BABAM2: variants seen among roughly 807,000 people sequenced by gnomAD.
The protein encoded by BABAM2 is BRISC and BRCA1-A complex member 2.
Under a neutral mutation model 54.7 loss-of-function variants are expected in BABAM2, and 31 were observed. The ratio of observed to expected loss-of-function variants is 0.57; its 90% CI spans 0.43 to 0.77. The LOEUF is 0.77. BABAM2 is among the 30% of genes least tolerant of loss of function. The probability of loss-of-function intolerance (pLI) is 0.00; values close to 1 mark genes in which losing one functional copy is unlikely to be tolerated. For synonymous variants in BABAM2, 167 were observed against 162.9 expected (o/e 1.03, Z -0.19); for missense variants, 364 against 455.8 (o/e 0.80, Z 1.83).
At position 28,251,315 on chromosome 2, in the gene BABAM2, C is replaced by T. The variant is rs776900270; in HGVS notation, c.934+6453C>T. Among the ~76,000 whole-genome samples the T allele has an allele frequency of 2.6e-5, 4 of 151,902 alleles. No individual in the cohort carries two copies. In the South Asian group the frequency reaches 6.2e-4, roughly 24 times the overall value. On this transcript the variant is annotated intron_variant, in intron 10 of 11. Transcript: ENST00000379624. ...AATTCTGGTAGTCATTTAAATAATTCTTTCCTTATAGGCCTGTAATCAAGG... is the reference window on the plus strand; with the variant it reads ...AATTCTGGTAGTCATTTAAATAATTTTTTCCTTATAGGCCTGTAATCAAGG...
At chr2:27,954,040 T>C (rs571118037) in intron 3 of BABAM2, among the ~76,000 whole-genome samples, 6 of 152,344 alleles carry the variant, frequency 3.9e-5, no homozygotes, top group African/African-American at 1.4e-4. Flanking sequence ...TATTATTGTC[T>C]TTCTATTTGG....
chr2:28,241,924 A>G (rs1682482065), intron 9 of BABAM2, among the ~76,000 whole-genome samples: 1 of 142,270 alleles, frequency 7.0e-6, no homozygotes, highest in Non-Finnish European at 1.5e-5. Flanking sequence ...TATCTTCCCT[A>G]GAGCAGCAGC....
intron 7 of BABAM2, among the ~76,000 whole-genome samples, chr2:28,179,182 C>CA (rs1675348463): frequency 6.6e-6 from 1 of 151,764 alleles, no homozygotes; most frequent in Non-Finnish European, 1.5e-5. Flanking sequence ...AAGAATGTAA[C>CA]AAAAAAAGGA....
chr2:28,300,741 C>T (rs1217643024), intron 11 of BABAM2, among the ~76,000 whole-genome samples: 1 of 152,086 alleles, frequency 6.6e-6, no homozygotes, highest in Non-Finnish European at 1.5e-5. Context: ...ATAGGAATAT[C>T]GTAAGTGAAG....
intron 7 of BABAM2, among the ~76,000 whole-genome samples, chr2:28,219,561 G>A (rs1000169702): frequency 4.6e-5 from 7 of 152,098 alleles, no homozygotes; most frequent in African/African-American, 1.7e-4. Context: ...CCAGAAATGA[G>A]GGTTTGGCAG....
At chr2:27,964,545 G>A (rs759873100) in intron 3 of BABAM2, among the ~76,000 whole-genome samples, 15 of 152,130 alleles carry the variant, frequency 9.9e-5, no homozygotes, top group Admixed American at 3.3e-4. Context: ...TCTACAGTGT[G>A]GAATGAGGTT....
At chr2:28,104,055 A>C (rs924599056) in intron 6 of BABAM2, among the ~76,000 whole-genome samples, 1 of 152,240 alleles carries the variant, frequency 6.6e-6, no homozygotes, top group Non-Finnish European at 1.5e-5. Context: ...GATGGATTAA[A>C]GACTTAAATG....
intron 10 of BABAM2, among the ~76,000 whole-genome samples, chr2:28,248,975 C>G (rs968006621): frequency 6.6e-6 from 1 of 151,996 alleles, no homozygotes; most frequent in Non-Finnish European, 1.5e-5. Flanking sequence ...AAGATACTTA[C>G]AGTAACATAG....
At position 28,279,618 on chromosome 2, in the gene BABAM2, C is replaced by T. The variant is rs116208079; in HGVS notation, c.935-18720C>T. Among the ~76,000 whole-genome samples the T allele has an allele frequency of 7.1e-3, 1,084 of 151,800 alleles. 10 individuals carry two copies. Among genetic ancestry groups the T allele is most frequent in the African/African-American group, 0.025 (1,027 of 41,334 alleles). On this transcript the variant is annotated intron_variant, in intron 10 of 11. Coordinates refer to ENST00000379624, the MANE Select transcript of BABAM2 (RefSeq NM_199191.3). ...CCAACTTCTGTATTCAAACTCCTTACCCCTTACCATAAGGGTTAGTGCAGA... is the reference window on the plus strand; with the variant it reads ...CCAACTTCTGTATTCAAACTCCTTATCCCTTACCATAAGGGTTAGTGCAGA...
Position 28,298,321 on chromosome 2 carries a change from T to C in BABAM2, c.935-17T>C. On this transcript the variant is annotated splice_polypyrimidine_tract_variant and intron_variant, in intron 10 of 11. Coordinates refer to ENST00000379624, the MANE Select transcript of BABAM2 (RefSeq NM_199191.3). Reference sequence around the variant, plus strand: ...GTTTATGCTCTAACTTTCTTTTTCTTTCTTCTGTCTTTGCAGTTGACCTGC... The same window carrying C: ...GTTTATGCTCTAACTTTCTTTTTCTCTCTTCTGTCTTTGCAGTTGACCTGC... The C allele has an allele frequency of 6.2e-7, 1 of 1,608,704 alleles. No individual in the cohort carries two copies. Among genetic ancestry groups the C allele is most frequent in the Non-Finnish European group, 8.5e-7 (1 of 1,178,226 alleles).
intron 11 of BABAM2, among the ~76,000 whole-genome samples, chr2:28,330,154 A>C (rs2148331195): frequency 6.6e-6 from 1 of 152,334 alleles, no homozygotes; most frequent in East Asian, 1.9e-4. Context: ...AAAAACTCTC[A>C]ATAAACTAGG....
At chr2:28,105,878 T>C (rs995612151) in intron 6 of BABAM2, among the ~76,000 whole-genome samples, 1 of 151,986 alleles carries the variant, frequency 6.6e-6, no homozygotes, top group African/African-American at 2.4e-5. Flanking sequence ...TTAGTATAAA[T>C]ATGTACCATA....
chr2:27,990,136 G>A (rs983984933), intron 4 of BABAM2, among the ~76,000 whole-genome samples: 1 of 152,076 alleles, frequency 6.6e-6, no homozygotes, highest in South Asian at 2.1e-4. Context: ...GTTCATCTAC[G>A]GCCTTGGGTA....
chr2:28,112,146 T>TTTCC (rs1344247281), intron 6 of BABAM2, among the ~76,000 whole-genome samples: 7 of 10,560 alleles, frequency 6.6e-4, no homozygotes, highest in African/African-American at 1.2e-3. Flanking sequence ...TCTTTCTTTC[T>TTTCC]TTACCTCCCT....
At chr2:27,981,317 A>AT (rs1448386566) in intron 3 of BABAM2, among the ~76,000 whole-genome samples, 2 of 152,086 alleles carry the variant, frequency 1.3e-5, no homozygotes, top group African/African-American at 4.8e-5. Context: ...AAGTGGGACA[A>AT]TTTTTTGCAT....
intron 11 of BABAM2, among the ~76,000 whole-genome samples, chr2:28,311,573 C>G (rs1240989264): frequency 6.6e-6 from 1 of 152,092 alleles, no homozygotes; most frequent in Non-Finnish European, 1.5e-5. Flanking sequence ...GGATAGTGGC[C>G]TGGGAGTCAA....
chr2:28,315,943 T>C (rs929790765), intron 11 of BABAM2, among the ~76,000 whole-genome samples: 1 of 152,120 alleles, frequency 6.6e-6, no homozygotes, highest in Non-Finnish European at 1.5e-5. Context: ...TATAAAGGAA[T>C]GTTTGGCTTG....
chr2:28,215,374 T>G (rs1679835838), intron 7 of BABAM2, among the ~76,000 whole-genome samples: 1 of 152,198 alleles, frequency 6.6e-6, no homozygotes, highest in Non-Finnish European at 1.5e-5. Context: ...AATGAGATAA[T>G]GTATGTAAGA....
Position 28,067,941 on chromosome 2 carries a change from A to C in BABAM2, c.570+22142A>C, listed in dbSNP as rs1309869031. Among the ~76,000 whole-genome samples the C allele has an allele frequency of 2.0e-5, 3 of 152,304 alleles. No individual in the cohort carries two copies. In the South Asian group the frequency reaches 6.2e-4, roughly 32 times the overall value. Reference sequence around the variant, plus strand: ...TTTTCTTTTTTCCTTTTTTAAAAAAATTTCTTTTTAAAGAAAAAATAATAT... The same window carrying C: ...TTTTCTTTTTTCCTTTTTTAAAAAACTTTCTTTTTAAAGAAAAAATAATAT... On this transcript the variant is annotated intron_variant, in intron 6 of 11. Coordinates refer to ENST00000379624, the MANE Select transcript of BABAM2 (RefSeq NM_199191.3).
Sources: allele counts gnomAD v4.1 joint callset (sites outside exome capture counted in the v4.1 genomes callset), GRCh38; gene constraint gnomAD v4.1.1; transcripts MANE v1.5; gene names NCBI Gene and HGNC (gene_info 2026-07-23, HGNC 2026-07-21).